IL34: variants seen among roughly 807,000 people sequenced by gnomAD.
IL34 encodes interleukin 34.
Under a neutral mutation model 25.3 loss-of-function variants are expected in IL34, and 17 were observed. That is an observed-to-expected ratio of 0.67 (90% CI 0.46 to 1.01). The LOEUF (loss-of-function observed/expected upper bound fraction) is 1.01, where lower values mean the gene tolerates loss of function less well. IL34 is among the 50% of genes least tolerant of loss of function. The probability of loss-of-function intolerance (pLI) is 0.00; values close to 1 mark genes in which losing one functional copy is unlikely to be tolerated. For missense variants in IL34, 368 were observed against 312.9 expected (o/e 1.18, Z -1.33); for synonymous variants, 174 against 140.9 (o/e 1.23, Z -1.66).
intron 1 of IL34, chr16:70,654,220 C>T (rs2052153884): frequency 4.2e-6 from 1 of 240,128 alleles, no homozygotes; most frequent in Non-Finnish European, 8.0e-6. Flanking sequence ...CTGTTCTGGG[C>T]GGGAGGTTGT....
intron 1 of IL34, among the ~76,000 whole-genome samples, chr16:70,592,077 TCTA>T (rs2151808762): frequency 7.9e-6 from 1 of 127,188 alleles, no homozygotes; most frequent in African/African-American, 2.9e-5. Flanking sequence ...TGGTGGTCCT[TCTA>T]CTCCCCCCAC....
rs758038072 is a variant in IL34, at chr16:70,630,523, C to T, written c.-400-16025C>T. Among the ~76,000 whole-genome samples the T allele has an allele frequency of 4.6e-4, 70 of 151,998 alleles. 1 individual carries two copies. Among genetic ancestry groups the T allele is most frequent in the Non-Finnish European group, 9.4e-4 (64 of 67,946 alleles). ...CTGGGATTACAGGAATGAACCACTG[C>T]GCCTGGCCCCTCCCTTCCCCTCCTC... is the stretch of plus-strand genomic sequence containing the variant. On this transcript the variant is annotated intron_variant, in intron 1 of 6. Transcript: ENST00000429149.
chr16:70,581,272 A>C (rs1469565772), intron 1 of IL34, among the ~76,000 whole-genome samples: 2 of 152,194 alleles, frequency 1.3e-5, no homozygotes, highest in East Asian at 3.8e-4. Flanking sequence ...TTTAAGGTCC[A>C]CGTGGTATTC....
chr16:70,605,885 T>C (rs985618119), intron 1 of IL34, among the ~76,000 whole-genome samples: 2 of 151,348 alleles, frequency 1.3e-5, no homozygotes, highest in African/African-American at 4.9e-5. Flanking sequence ...TTGGCCAGGC[T>C]GGTCTCAACC....
chr16:70,599,970 G>A (rs905431194), intron 1 of IL34, among the ~76,000 whole-genome samples: 2 of 151,980 alleles, frequency 1.3e-5, no homozygotes, highest in African/African-American at 2.4e-5. Flanking sequence ...ATGAGTCATG[G>A]CACCTGACCC....
intron 1 of IL34, among the ~76,000 whole-genome samples, chr16:70,590,221 C>A (rs1453749699): frequency 6.6e-6 from 1 of 152,166 alleles, no homozygotes; most frequent in Non-Finnish European, 1.5e-5. Flanking sequence ...GGATTCCTAG[C>A]ATGTGTGGGA....
chr16:70,610,497 G>A (rs561193127), intron 1 of IL34, among the ~76,000 whole-genome samples: 1 of 152,324 alleles, frequency 6.6e-6, no homozygotes, highest in East Asian at 1.9e-4. Flanking sequence ...GCCAGGCCCT[G>A]AGGACACAAT....
In IL34 at chr16:70,660,511, G is replaced by C; in HGVS notation, c.*324G>C. On this transcript the variant is annotated 3_prime_UTR_variant, in exon 6 of 6. Coordinates refer to ENST00000288098, the MANE Select transcript of IL34 (RefSeq NM_001393494.1). ...AGCCTCCTGTGGCCCGCAGCAGTGA[G>C]GGCACAGCTGTGGGTTGCAGGGGAG... 3.8e-6 allele frequency: 1 copy of C among 263,662 alleles called. No homozygotes were observed. Among genetic ancestry groups the C allele is most frequent in the South Asian group, 1.3e-4 (1 of 7,746 alleles). The allele number at this position is 263,662 out of a possible 1,614,324, so 16.3% of individuals were successfully genotyped here. A position where few individuals can be genotyped will look rare whatever the true frequency, so the allele number is the denominator to read the frequency against.
intron 1 of IL34, among the ~76,000 whole-genome samples, chr16:70,649,287 A>G (rs2151874097): frequency 6.6e-6 from 1 of 152,292 alleles, no homozygotes; most frequent in East Asian, 1.9e-4. Context: ...TTGCAGTCAT[A>G]TTTATACCCA....
At chr16:70,628,859 C>G (rs1328592470) in intron 1 of IL34, among the ~76,000 whole-genome samples, 1 of 149,672 alleles carries the variant, frequency 6.7e-6, no homozygotes, top group African/African-American at 2.5e-5. Context: ...TCAATCACAG[C>G]TCACTATAGC....
chr16:70,626,136 T>C (rs565345670), intron 1 of IL34, among the ~76,000 whole-genome samples: 2 of 152,386 alleles, frequency 1.3e-5, no homozygotes, highest in Admixed American at 1.3e-4. Context: ...TGCTTATTTT[T>C]AAAATTACAT....
At chr16:70,635,198 C>T (rs1041887699) in intron 1 of IL34, among the ~76,000 whole-genome samples, 2 of 152,184 alleles carry the variant, frequency 1.3e-5, no homozygotes, top group African/African-American at 4.8e-5. Flanking sequence ...CCAGCTTATA[C>T]TCTCAAGGGT....
intron 1 of IL34, among the ~76,000 whole-genome samples, chr16:70,632,023 C>T (rs1048245539): frequency 1.1e-4 from 16 of 151,408 alleles, no homozygotes; most frequent in Non-Finnish European, 2.4e-4. Flanking sequence ...ATTACCTGAG[C>T]CTGGGGAGGT....
At chr16:70,599,676 C>CT (rs199683652) in intron 1 of IL34, among the ~76,000 whole-genome samples, 18,312 of 137,096 alleles carry the variant, frequency 0.13, 2,710 homozygotes, top group African/African-American at 0.35. Context: ...TGCACCCGGT[C>CT]TTTTTTTTTT....
rs192594090 is a variant in IL34 at position 70,655,531 on chromosome 16, G to A, written c.162+860G>A. ...GCCTCCCAAGTAGCTGGGACTACAGGCATGCACCACCATGCCCAGCTAATT... is the reference window on the plus strand; with the variant it reads ...GCCTCCCAAGTAGCTGGGACTACAGACATGCACCACCATGCCCAGCTAATT... On this transcript the variant is annotated intron_variant, in intron 2 of 5. Coordinates refer to ENST00000288098, the MANE Select transcript of IL34 (RefSeq NM_001393494.1). 1.8e-3 allele frequency among the ~76,000 whole-genome samples: 275 copies of A among 152,034 alleles called. 2 individuals carry two copies. Among genetic ancestry groups the A allele is most frequent in the Middle Eastern group, 0.014 (4 of 294 alleles).
At chr16:70,658,954 G>A (rs1372522610) in intron 4 of IL34, among the ~76,000 whole-genome samples, 2 of 152,192 alleles carry the variant, frequency 1.3e-5, no homozygotes, top group Non-Finnish European at 2.9e-5. Context: ...GTACCAAGGG[G>A]TAGGACCAAG....
intron 1 of IL34, among the ~76,000 whole-genome samples, chr16:70,617,973 G>A (rs2051200189): frequency 6.6e-6 from 1 of 152,100 alleles, no homozygotes. Flanking sequence ...CTGACTCAGG[G>A]CATGTTGAGT....
At chr16:70,589,810 A>G (rs11075772) in intron 1 of IL34, among the ~76,000 whole-genome samples, 53,672 of 151,760 alleles carry the variant, frequency 0.35, 10,065 homozygotes, top group South Asian at 0.61. Flanking sequence ...TTTAGTAGAG[A>G]TGGGGTTTCA....
chr16:70,632,404 A>G (rs1335109491), intron 1 of IL34, among the ~76,000 whole-genome samples: 3 of 152,324 alleles, frequency 2.0e-5, no homozygotes, highest in Non-Finnish European at 2.9e-5. Context: ...TAAAAACAAA[A>G]TCTCCTTTTG....
Sources: gnomAD v4.1 joint callset for allele counts (sites outside exome capture counted in the v4.1 genomes callset) on GRCh38, gnomAD v4.1.1 for gene constraint, MANE v1.5 for transcripts, NCBI Gene and HGNC (gene_info 2026-07-23, HGNC 2026-07-21) for gene names.